PBX3: variants seen among roughly 807,000 people sequenced by gnomAD.
PBX3 encodes pre-B-cell leukemia transcription factor 3.
PBX3 carries 14 observed loss-of-function variants against 48.5 expected under a neutral mutation model. The observed-to-expected ratio is 0.29, with a 90% CI of 0.19 to 0.45. The LOEUF is 0.45. PBX3 is among the 20% of genes least tolerant of loss of function. The pLI is 1.00. For missense variants in PBX3, 386 were observed against 546.7 expected (o/e 0.71, Z 2.93); for synonymous variants, 210 against 200.3 (o/e 1.05, Z -0.41).
At chr9:125,894,872 A>G (rs976983951) in intron 2 of PBX3, among the ~76,000 whole-genome samples, 3 of 152,120 alleles carry the variant, frequency 2.0e-5, no homozygotes, top group African/African-American at 7.2e-5. Context: ...AGCTGTGAAC[A>G]TGCCGCTTTA....
chr9:125,873,810 T>C (rs1218287554), intron 2 of PBX3, among the ~76,000 whole-genome samples: 1 of 150,748 alleles, frequency 6.6e-6, no homozygotes, highest in Non-Finnish European at 1.5e-5. Flanking sequence ...CAAAGGAAAA[T>C]AGAAAAAAGG....
intron 2 of PBX3, among the ~76,000 whole-genome samples, chr9:125,867,787 TAC>T (rs1387300812): frequency 1.3e-5 from 2 of 151,742 alleles, no homozygotes; most frequent in South Asian, 2.1e-4. Flanking sequence ...TACACACATA[TAC>T]ACACACATAT....
At chr9:125,900,696 GTA>G (rs748239881) in intron 2 of PBX3, among the ~76,000 whole-genome samples, 46 of 151,798 alleles carry the variant, frequency 3.0e-4, no homozygotes, top group South Asian at 8.3e-4. Flanking sequence ...TACACTCATG[GTA>G]TTATTTATAT....
At chr9:125,842,460 C>T (rs1403550410) in intron 2 of PBX3, among the ~76,000 whole-genome samples, 1 of 152,184 alleles carries the variant, frequency 6.6e-6, no homozygotes, top group African/African-American at 2.4e-5. Flanking sequence ...GAAATCTGCA[C>T]ACCCAGTGTT....
rs201653798 is a variant in PBX3 at position 125,822,983 on chromosome 9, T to TAA, written c.274+74373_274+74374dup. Reference sequence around the variant, plus strand: ...TTTTTTGTTTTGTTTGCTAAGTAGCTAAAAAAAAAAAAAAGATGTGAGTTT... The same window carrying TAA: ...TTTTTTGTTTTGTTTGCTAAGTAGCTAAAAAAAAAAAAAAAAGATGTGAGTTT... On this transcript the variant is annotated intron_variant, in intron 2 of 8. Coordinates refer to ENST00000373489, the MANE Select transcript of PBX3 (RefSeq NM_006195.6). 4.4e-3 allele frequency among the ~76,000 whole-genome samples: 609 copies of TAA among 137,334 alleles called. 5 individuals carry two copies. The highest frequency in any genetic ancestry group is 0.015 in the African/African-American group (568 of 37,830). The allele number at this position is 137,334 out of a possible 152,430, so 90.1% of individuals were successfully genotyped here.
In PBX3 at chr9:125,747,424, C is replaced by G; in HGVS notation, c.-30C>G. On this transcript the variant is annotated 5_prime_UTR_variant, in exon 1 of 9. Transcript: ENST00000373489. ...CCGCCGCCTCAGCCTTCGCCTCAGC[C>G]GCCGCCCGCTCCCGCCCGCGCGCGG... 1 of 1,425,710 alleles carries G rather than the reference C, an allele frequency of 7.0e-7. No individual in the cohort carries two copies. The highest frequency in any genetic ancestry group is 9.2e-7 in the Non-Finnish European group (1 of 1,085,188). The allele number at this position is 1,425,710 out of a possible 1,614,324, so 88.3% of individuals were successfully genotyped here.
At chr9:125,797,568 A>C (rs1837821859) in intron 2 of PBX3, 1 of 152,146 alleles carries the variant, frequency 6.6e-6, no homozygotes, top group African/African-American at 2.4e-5. Flanking sequence ...TGTGTGTTTA[A>C]GGTATACAGT....
At chr9:125,935,396 A>G in intron 4 of PBX3, 76 bp from the exon 5 acceptor site, 1 of 1,287,072 alleles carries the variant, frequency 7.8e-7, no homozygotes, top group African/African-American at 1.5e-5. Flanking sequence ...CTTTTTTGGT[A>G]TCATCCTAAT....
chr9:125,829,296 A>G (rs1179838760), intron 2 of PBX3, among the ~76,000 whole-genome samples: 1 of 152,212 alleles, frequency 6.6e-6, no homozygotes, highest in Non-Finnish European at 1.5e-5. Flanking sequence ...TTATTCTCAA[A>G]CTACATCATT....
At chr9:125,905,428 T>C (rs938451961) in intron 2 of PBX3, among the ~76,000 whole-genome samples, 1 of 152,056 alleles carries the variant, frequency 6.6e-6, no homozygotes, top group Non-Finnish European at 1.5e-5. Context: ...TTGATGTCTT[T>C]ATAGTGAATT....
At chr9:125,936,454 A>G (rs1450683197) in intron 5 of PBX3, among the ~76,000 whole-genome samples, 1 of 152,216 alleles carries the variant, frequency 6.6e-6, no homozygotes, top group East Asian at 1.9e-4. Flanking sequence ...ACTTAAGGAA[A>G]AACTGACGCT....
chr9:125,773,557 C>T, intron 2 of PBX3, among the ~76,000 whole-genome samples: 1 of 152,098 alleles, frequency 6.6e-6, no homozygotes, highest in East Asian at 1.9e-4. Context: ...CTGTTTTGTC[C>T]TCTGGCACAT....
At chr9:125,890,901 G>A (rs771623865) in intron 2 of PBX3, among the ~76,000 whole-genome samples, 1 of 152,190 alleles carries the variant, frequency 6.6e-6, no homozygotes, top group Non-Finnish European at 1.5e-5. Flanking sequence ...AAAGGATTGT[G>A]TGCACAGCAT....
At chr9:125,762,140 A>G (rs755823187) in intron 2 of PBX3, among the ~76,000 whole-genome samples, 2 of 152,188 alleles carry the variant, frequency 1.3e-5, no homozygotes, top group Non-Finnish European at 2.9e-5. Context: ...GCTGAGTGCT[A>G]CTTTACGTAC....
intron 2 of PBX3, among the ~76,000 whole-genome samples, chr9:125,786,975 T>TG (rs200020214): frequency 0.036 from 5,448 of 152,232 alleles, 336 homozygotes; most frequent in African/African-American, 0.12. Context: ...TCTGCCCACC[T>TG]CGGCCTCGCA....
At chr9:125,853,266 A>C (rs12337525) in intron 2 of PBX3, among the ~76,000 whole-genome samples, 10,411 of 152,212 alleles carry the variant, frequency 0.068, 1,110 homozygotes, top group African/African-American at 0.23. Flanking sequence ...ATTTACCTCA[A>C]AATATAGCCA....
intron 2 of PBX3, among the ~76,000 whole-genome samples, chr9:125,780,690 G>C (rs1171557472): frequency 1.5e-5 from 2 of 131,814 alleles, no homozygotes; most frequent in African/African-American, 5.9e-5. Flanking sequence ...CGGGCGGGGG[G>C]CTGACCACCC....
chr9:125,757,638 A>G (rs1836555958), intron 2 of PBX3, among the ~76,000 whole-genome samples: 1 of 152,114 alleles, frequency 6.6e-6, no homozygotes, highest in Non-Finnish European at 1.5e-5. Flanking sequence ...GTTATAATAG[A>G]TTGTGCAGTG....
intron 2 of PBX3, among the ~76,000 whole-genome samples, chr9:125,854,216 C>A (rs1839660383): frequency 6.6e-6 from 1 of 152,116 alleles, no homozygotes; most frequent in Non-Finnish European, 1.5e-5. Context: ...ACTGCACCCC[C>A]AACCTCCTAG....
Sources: allele counts gnomAD v4.1 joint callset (sites outside exome capture counted in the v4.1 genomes callset), GRCh38; gene constraint gnomAD v4.1.1; transcripts MANE v1.5; gene names NCBI Gene and HGNC (gene_info 2026-07-23, HGNC 2026-07-21).